The following FAF1 variants were observed in gnomAD, a reference collection of about 807,000 sequenced individuals.
FAF1 encodes FAS-associated factor 1.
In FAF1, 25 loss-of-function variants were observed where a neutral mutation model predicts 92.5. The observed-to-expected ratio is 0.27, with a 90% confidence interval of 0.20 to 0.38. The LOEUF (loss-of-function observed/expected upper bound fraction) is 0.38. Ranked by LOEUF, FAF1 falls within the 10% of genes least tolerant of loss-of-function variation. The pLI is 1.00. For missense variants in FAF1, 636 were observed against 793.3 expected, an observed-to-expected ratio of 0.80 and a Z score of 2.38; for synonymous variants, 234 against 273.2, an observed-to-expected ratio of 0.86 and a Z score of 1.42.
chr1:50,682,717 A>G (rs1340370288), intron 7 of FAF1, among the ~76,000 whole-genome samples: 2 of 152,194 alleles, frequency 1.3e-5, no homozygotes, highest in African/African-American at 4.8e-5. Flanking sequence ...TACTATAACT[A>G]ACAGTAAATA....
At chr1:50,464,090 A>G (rs569842766) in intron 18 of FAF1, among the ~76,000 whole-genome samples, 1 of 152,336 alleles carries the variant, frequency 6.6e-6, no homozygotes, top group East Asian at 1.9e-4. Flanking sequence ...AGGTCTACAC[A>G]TCTTAAAGCC....
At chr1:50,571,562 T>C (rs1206298524) in intron 12 of FAF1, among the ~76,000 whole-genome samples, 5 of 152,306 alleles carry the variant, frequency 3.3e-5, no homozygotes, top group Non-Finnish European at 7.4e-5. Context: ...AGAGAAATAA[T>C]GGCCATGAAA....
chr1:50,952,003 C>G (rs1160878439), intron 1 of FAF1, among the ~76,000 whole-genome samples: 1 of 152,172 alleles, frequency 6.6e-6, no homozygotes, highest in Non-Finnish European at 1.5e-5. Flanking sequence ...CAGTATGCAA[C>G]AGAAAAGTCC....
rs1342770533 is a variant in FAF1 at position 50,736,537 on chromosome 1, T to C, written c.551+2326A>G. Among the ~76,000 whole-genome samples the C allele has an allele frequency of 3.3e-5, 5 of 151,968 alleles. No individual in the cohort carries two copies. In the East Asian group the frequency reaches 9.7e-4, roughly 29 times the overall value. On this transcript the variant is annotated intron_variant, in intron 6 of 18. Coordinates refer to ENST00000396153, the MANE Select transcript of FAF1 (RefSeq NM_007051.3). ...GGCCGAGGTGGGAGGATCACCTGAG[T>C]TCAGGGGTTTGAGACCAGCCTGTCC...
chr1:50,586,246 T>C (rs1033735630), intron 9 of FAF1, among the ~76,000 whole-genome samples: 1 of 152,206 alleles, frequency 6.6e-6, no homozygotes, highest in Non-Finnish European at 1.5e-5. Context: ...ACTACTCTGG[T>C]TGATACAGGG....
chr1:50,522,318 T>C (rs1647543154), intron 15 of FAF1, among the ~76,000 whole-genome samples: 1 of 152,202 alleles, frequency 6.6e-6, no homozygotes, highest in Non-Finnish European at 1.5e-5. Context: ...TTCTGGCCTT[T>C]ACACAGTTGT....
At chr1:50,539,305 T>G (rs1305705216) in intron 14 of FAF1, among the ~76,000 whole-genome samples, 4 of 152,256 alleles carry the variant, frequency 2.6e-5, no homozygotes, top group Non-Finnish European at 5.9e-5. Flanking sequence ...ACTTGACAAC[T>G]GATTATGTCC....
chr1:50,466,436 T>C (rs746923874), intron 18 of FAF1, among the ~76,000 whole-genome samples: 6 of 152,130 alleles, frequency 3.9e-5, no homozygotes, highest in Non-Finnish European at 8.8e-5. Flanking sequence ...GAGTAGATCG[T>C]TGTATGTAGA....
At chr1:50,447,119 TGC>T (rs1646236558) in intron 18 of FAF1, among the ~76,000 whole-genome samples, 1 of 145,504 alleles carries the variant, frequency 6.9e-6, no homozygotes, top group African/African-American at 2.6e-5. Context: ...AACATATTCC[TGC>T]TTTTTTTTTT....
At chr1:50,772,963 T>C (rs1007313275) in intron 4 of FAF1, among the ~76,000 whole-genome samples, 3 of 152,106 alleles carry the variant, frequency 2.0e-5, no homozygotes, top group Non-Finnish European at 4.4e-5. Context: ...GAACAAGAAA[T>C]GATTTAATGG....
intron 1 of FAF1, among the ~76,000 whole-genome samples, chr1:50,923,185 GAGGTGGA>G (rs1644979120): frequency 3.3e-5 from 5 of 152,202 alleles, no homozygotes; most frequent in Admixed American, 2.6e-4. Flanking sequence ...TTGAGAGGCT[GAGGTGGA>G]AGGATTGCTT....
At position 50,437,458 on chromosome 1, in the gene FAF1, C is replaced by T. The variant is rs1646137469; in HGVS notation, c.*3982G>A. On this transcript the variant is annotated 3_prime_UTR_variant, in exon 19 of 19. Coordinates refer to ENST00000396153, the MANE Select transcript of FAF1 (RefSeq NM_007051.3). ...GAGTAGCAGTCGCACTATCATGGCT[C>T]ACTGTAGCCTTGAACTCCTGGGCTC... 1 of 151,762 alleles carries T rather than the reference C, an allele frequency of 6.6e-6. No homozygotes were observed. Among genetic ancestry groups the T allele is most frequent in the South Asian group, 2.1e-4 (1 of 4,804 alleles). 9.4% of individuals were successfully genotyped at this position (151,762 alleles called of 1,614,324 possible). A position where few individuals can be genotyped will look rare whatever the true frequency, so the allele number is the denominator to read the frequency against.
At chr1:50,650,490 T>G (rs1288184704) in intron 8 of FAF1, among the ~76,000 whole-genome samples, 1 of 150,266 alleles carries the variant, frequency 6.7e-6, no homozygotes, top group Admixed American at 6.6e-5. Context: ...CATGGTGGTA[T>G]ACGCCTGTAA....
intron 8 of FAF1, among the ~76,000 whole-genome samples, chr1:50,607,971 G>T (rs1432082867): frequency 3.3e-5 from 5 of 152,224 alleles, no homozygotes; most frequent in Non-Finnish European, 5.9e-5. Flanking sequence ...TGGACCAGAG[G>T]TGTTAAGACA....
At chr1:50,517,308 C>T (rs1430954269) in intron 15 of FAF1, among the ~76,000 whole-genome samples, 1 of 151,998 alleles carries the variant, frequency 6.6e-6, no homozygotes, top group Admixed American at 6.6e-5. Flanking sequence ...AAAGTAACAA[C>T]ACAAAAGGCC....
chr1:50,529,037 C>T (rs1345477846), intron 15 of FAF1, among the ~76,000 whole-genome samples: 1 of 152,132 alleles, frequency 6.6e-6, no homozygotes, highest in Non-Finnish European at 1.5e-5. Context: ...TTCTGGTTAT[C>T]AGTAGGCTGT....
intron 2 of FAF1, among the ~76,000 whole-genome samples, chr1:50,830,928 T>C (rs981098193): frequency 6.6e-6 from 1 of 152,140 alleles, no homozygotes; most frequent in African/African-American, 2.4e-5. Flanking sequence ...AAAACATTTT[T>C]GTAAAAGAGT....
intron 1 of FAF1, among the ~76,000 whole-genome samples, chr1:50,930,403 C>A (rs1645038683): frequency 6.6e-6 from 1 of 152,150 alleles, no homozygotes; most frequent in African/African-American, 2.4e-5. Context: ...AGCTCTGACT[C>A]AAAGCACAAC....
At chr1:50,721,170 A>ATT in intron 6 of FAF1, among the ~76,000 whole-genome samples, 1 of 147,876 alleles carries the variant, frequency 6.8e-6, no homozygotes, top group Middle Eastern at 3.5e-3. Flanking sequence ...ACTTTGGGAA[A>ATT]TTTTTTTTTT....
Sources: gnomAD v4.1 joint callset for allele counts (sites outside exome capture counted in the v4.1 genomes callset) on GRCh38, gnomAD v4.1.1 for gene constraint, MANE v1.5 for transcripts, NCBI Gene and HGNC (gene_info 2026-07-23, HGNC 2026-07-21) for gene names.